The following SH3BP2 variants were observed in gnomAD, a reference collection of about 807,000 sequenced individuals.
SH3BP2 encodes the protein SH3 domain binding protein 2.
Under a neutral mutation model 56.2 loss-of-function variants are expected in SH3BP2, and 38 were observed. The observed-to-expected ratio is 0.68, with a 90% CI of 0.52 to 0.89. The LOEUF is 0.89. SH3BP2 is among the 40% of genes least tolerant of loss of function. The pLI is 0.00. For missense variants in SH3BP2, 748 were observed against 762.6 expected, an observed-to-expected ratio of 0.98 and a Z score of 0.23; for synonymous variants, 346 against 316.7, an observed-to-expected ratio of 1.09 and a Z score of -0.98.
Position 2,833,968 on chromosome 4 carries a change from T to A in SH3BP2, c.*134T>A. On this transcript the variant is annotated 3_prime_UTR_variant, in exon 13 of 13. Coordinates refer to ENST00000503393, the MANE Select transcript of SH3BP2 (RefSeq NM_001122681.2). The stretch of plus-strand genomic sequence containing the variant: ...TTGCCTAGGGCCTCTGTGATGGACA[T>A]CTCGTAGGACCCAGCCAGTCTCATC... 1 of 1,092,952 alleles carries A rather than the reference T, an allele frequency of 9.1e-7. No individual in the cohort carries two copies. Among genetic ancestry groups the A allele is most frequent in the East Asian group, 2.6e-5 (1 of 38,404 alleles). 67.7% of individuals were successfully genotyped at this position (1,092,952 alleles called of 1,614,324 possible).
chr4:2,833,701 C>T lies in SH3BP2; in HGVS notation c.1553C>T (p.Ser518Phe), dbSNP rs1725126851. 1.9e-6 allele frequency: 3 copies of T among 1,610,450 alleles called. No homozygotes were observed. Among genetic ancestry groups the T allele is most frequent in the South Asian group, 2.2e-5 (2 of 90,268 alleles). The change falls in exon 13 of 13, where the codon TCT (serine) becomes TTT (phenylalanine). Residue 518 changes from serine to phenylalanine, a missense_variant. Coordinates refer to ENST00000503393, the MANE Select transcript of SH3BP2 (RefSeq NM_001122681.2). ...CCCCCTTCTCTTCCCCCACAGGACTCTAAGTTCTACCTGGAGGGCGAGGTC... is the reference window on the plus strand; with the variant it reads ...CCCCCTTCTCTTCCCCCACAGGACTTTAAGTTCTACCTGGAGGGCGAGGTC... ...VRNYRIFEKD[S>F]KFYLEGEVLF...
intron 1 of SH3BP2, chr4:2,818,537 C>A (rs1724120513): frequency 1.9e-6 from 1 of 520,390 alleles, no homozygotes; most frequent in African/African-American, 2.1e-5. Flanking sequence ...CAAAGGCGGG[C>A]GTGGACCGTC....
Position 2,822,964 on chromosome 4 carries a change from C to T in SH3BP2, c.166C>T (p.Arg56Cys), listed in dbSNP as rs758096402. ...WPLRFVIIHK[R>C]CVYYFKSSTS... ...CCTGCGCTTTGTCATCATCCACAAA[C>T]GCTGCGTCTACTACTTCAAGAGTAG... Residue 56 changes from arginine to cysteine, a missense_variant, in exon 3 of 13, where the codon CGC becomes TGC. This residue lies in a region of SH3BP2 where 104 missense variants were observed against 123.1 expected (regional missense o/e 0.84). Transcript: ENST00000503393. 2.7e-5 allele frequency: 43 copies of T among 1,613,984 alleles called. No homozygotes were observed. The highest frequency in any genetic ancestry group is 1.1e-4 in the South Asian group (10 of 91,068).
In SH3BP2 at chr4:2,802,404, A is replaced by ATGTGTGTGTGTGTG. The variant is rs1175501543; in HGVS notation, c.-5+9292_-5+9305dup. On this transcript the variant is annotated intron_variant, in intron 1 of 12. Transcript: ENST00000503393. ...GTGAGACTCTGTCTCAAAAAAATAT[A>ATGTGTGTGTGTGTG]TGTGTGTGTGTGTGTGTGTGTGTGT... 2.5e-3 allele frequency among the ~76,000 whole-genome samples: 342 copies of ATGTGTGTGTGTGTG among 135,958 alleles called. 3 individuals carry two copies. Among genetic ancestry groups the ATGTGTGTGTGTGTG allele is most frequent in the South Asian group, 0.012 (50 of 4,198 alleles). 89.2% of individuals were successfully genotyped at this position (135,958 alleles called of 152,430 possible). A position where few individuals can be genotyped will look rare whatever the true frequency, so the allele number is the denominator to read the frequency against.
chr4:2,819,397 A>C (rs1724180553), intron 1 of SH3BP2, among the ~76,000 whole-genome samples: 1 of 152,054 alleles, frequency 6.6e-6, no homozygotes. Context: ...ATTAAAAAAA[A>C]ATTTTTTTTT....
chr4:2,833,680 CT>C lies in SH3BP2; in HGVS notation c.1549-15del, dbSNP rs755108939. On this transcript the variant is annotated splice_polypyrimidine_tract_variant and intron_variant, in intron 12 of 12. Transcript: ENST00000503393. The stretch of plus-strand genomic sequence containing the variant: ...TGGCCTGGCCCTGCTGACGCTCCCC[CT>C]TCTCTTCCCCCACAGGACTCTAAGT... 16 of 1,607,804 alleles carry C rather than the reference CT, an allele frequency of 1.0e-5. No individual in the cohort carries two copies. The African/African-American group carries it at 1.3e-4, about 13-fold the overall frequency.
At chr4:2,815,075 G>A (rs1169449977) in intron 1 of SH3BP2, among the ~76,000 whole-genome samples, 2 of 152,188 alleles carry the variant, frequency 1.3e-5, no homozygotes, top group East Asian at 3.8e-4. Context: ...AGCACAAGTG[G>A]GGCCAGATTC....
At chr4:2,804,665 C>A (rs1359887597) in intron 1 of SH3BP2, among the ~76,000 whole-genome samples, 1 of 152,214 alleles carries the variant, frequency 6.6e-6, no homozygotes, top group East Asian at 1.9e-4. Flanking sequence ...GGGCCCACCC[C>A]CACTGTCCTT....
rs541981365 is a variant in SH3BP2, at chr4:2,797,611, C to T, written c.-5+4473C>T. Among the ~76,000 whole-genome samples, 4 of 152,314 alleles carry T rather than the reference C, an allele frequency of 2.6e-5. No individual in the cohort carries two copies. In the South Asian group the frequency reaches 8.3e-4, roughly 32 times the overall value. On this transcript the variant is annotated intron_variant, in intron 1 of 12. Coordinates refer to ENST00000503393, the MANE Select transcript of SH3BP2 (RefSeq NM_001122681.2). ...TGGTGCTCAGGGTACCCTCCCTGGCCACCCCCAACTCCACCCTGAGCTGGG... is the reference window on the plus strand; with the variant it reads ...TGGTGCTCAGGGTACCCTCCCTGGCTACCCCCAACTCCACCCTGAGCTGGG...
At chr4:2,828,288 C>G (rs1207456855) in intron 7 of SH3BP2, among the ~76,000 whole-genome samples, 1 of 152,030 alleles carries the variant, frequency 6.6e-6, no homozygotes, top group Non-Finnish European at 1.5e-5. Context: ...CTTCCATTTT[C>G]CCTGCGTCCG....
intron 12 of SH3BP2, chr4:2,833,415 A>T: frequency 1.7e-6 from 1 of 582,476 alleles, no homozygotes; most frequent in African/African-American, 1.9e-5. Context: ...CTGGGATTAC[A>T]GGCGTGGGCC....
In SH3BP2 at chr4:2,836,186, A is replaced by C. The variant is rs1263574536; in HGVS notation, c.*2352A>C. The C allele has an allele frequency of 6.6e-6, 1 of 152,020 alleles. No homozygotes were observed. Among genetic ancestry groups the C allele is most frequent in the African/African-American group, 2.4e-5 (1 of 41,312 alleles). 9.4% of individuals were successfully genotyped at this position (152,020 alleles called of 1,614,324 possible). A position where few individuals can be genotyped will look rare whatever the true frequency, so the allele number is the denominator to read the frequency against. On this transcript the variant is annotated 3_prime_UTR_variant, in exon 13 of 13. Transcript: ENST00000503393. ...GCCCTGGTCCAGCCTCGCCTCCCAG[A>C]CTCTGCACCTGCTAGCACAGCTGTC...
Position 2,830,142 on chromosome 4 carries a change from C to G in SH3BP2, c.1236C>G (p.His412Gln). Reference sequence around the variant, plus strand: ...GGCCAGAGAAGCCGCAGCTCCCGCACCTCCAGTGAGTTTGTGTGGCGGCTG... The same window carrying G: ...GGCCAGAGAAGCCGCAGCTCCCGCAGCTCCAGTGAGTTTGTGTGGCGGCTG... ...LPRPEKPQLP[H>Q]LQRSPPDGQS... The change falls in exon 8 of 13, where the codon CAC becomes CAG. Residue 412 changes from histidine to glutamine, a missense_variant. Physicochemically the swap from His to Gln is conservative, Grantham distance 24 (BLOSUM62 0). Coordinates refer to ENST00000503393, the MANE Select transcript of SH3BP2 (RefSeq NM_001122681.2). 1 of 1,600,064 alleles carries G rather than the reference C, an allele frequency of 6.2e-7. No individual in the cohort carries two copies. Among genetic ancestry groups the G allele is most frequent in the Non-Finnish European group, 8.5e-7 (1 of 1,179,308 alleles).
chr4:2,797,369 G>A (rs1028710225), intron 1 of SH3BP2, among the ~76,000 whole-genome samples: 1 of 152,220 alleles, frequency 6.6e-6, no homozygotes, highest in African/African-American at 2.4e-5. Flanking sequence ...ACCTCCTTCA[G>A]AAGGCTGCTG....
At chr4:2,812,232 C>A in intron 1 of SH3BP2, 1 of 1,512,940 alleles carries the variant, frequency 6.6e-7, no homozygotes, top group Non-Finnish European at 8.9e-7. Context: ...TGGTGCTGCC[C>A]AGGGAGCAGG....
chr4:2,812,387 C>A (rs1003726701), intron 1 of SH3BP2: 1 of 1,550,036 alleles, frequency 6.5e-7, no homozygotes, highest in Admixed American at 2.0e-5. Context: ...GGCTGGTGGC[C>A]CCTGAGCCGC....
chr4:2,797,314 C>T (rs753103774), intron 1 of SH3BP2, among the ~76,000 whole-genome samples: 6 of 152,128 alleles, frequency 3.9e-5, no homozygotes, highest in Admixed American at 2.6e-4. Flanking sequence ...GGCAGTGGTG[C>T]GCCTTTACCA....
intron 11 of SH3BP2, 33 bp from the exon 12 acceptor site, chr4:2,832,957 G>T: frequency 6.2e-7 from 1 of 1,611,402 alleles, no homozygotes; most frequent in Non-Finnish European, 8.5e-7. Context: ...CTGTTTCTCA[G>T]GGAGCCGTCA....
In SH3BP2 at chr4:2,827,213, C is replaced by T. The variant is rs768724083; in HGVS notation, c.429-17C>T. 64 of 1,611,210 alleles carry T rather than the reference C, an allele frequency of 4.0e-5. No homozygotes were observed. In the Middle Eastern group the frequency reaches 4.9e-4, roughly 12 times the overall value. ...GCCTGGTGCTCACCGTCCGCCCCAA[C>T]GCACCCTGCATTGCAGCGACTCCAG... On this transcript the variant is annotated splice_polypyrimidine_tract_variant and intron_variant, in intron 5 of 12. Coordinates refer to ENST00000503393, the MANE Select transcript of SH3BP2 (RefSeq NM_001122681.2).
Sources: allele counts gnomAD v4.1 joint callset (sites outside exome capture counted in the v4.1 genomes callset), GRCh38; gene constraint gnomAD v4.1.1; regional missense constraint gnomAD v4.1.1; transcripts MANE v1.5; gene names NCBI Gene and HGNC (gene_info 2026-07-23, HGNC 2026-07-21).